FGGY: variants seen among roughly 807,000 people sequenced by gnomAD.
The protein encoded by FGGY is FGGY carbohydrate kinase domain-containing protein.
FGGY carries 72 observed loss-of-function variants against 71.3 expected under a neutral mutation model. That is an observed-to-expected ratio of 1.01 (90% CI 0.84 to 1.23). FGGY has a LOEUF of 1.23. Among genes scored for constraint, FGGY ranks in the 50% most tolerant of loss-of-function variants. The pLI is 0.00. For missense variants in FGGY, 668 were observed against 682.3 expected, an observed-to-expected ratio of 0.98 and a Z score of 0.23; for synonymous variants, 251 against 250.3, an observed-to-expected ratio of 1.00 and a Z score of -0.02.
intron 7 of FGGY, among the ~76,000 whole-genome samples, chr1:59,533,833 A>G (rs1358531581): frequency 1.3e-5 from 2 of 152,180 alleles, no homozygotes; most frequent in African/African-American, 4.8e-5. Flanking sequence ...CCATCTGTAC[A>G]TCACCATCAT....
intron 8 of FGGY, among the ~76,000 whole-genome samples, chr1:59,599,554 C>T (rs993576663): frequency 7.3e-5 from 11 of 151,592 alleles, no homozygotes; most frequent in Middle Eastern, 3.4e-3. Flanking sequence ...ATTAGCTGGG[C>T]GTGGTGGCAT....
At chr1:59,747,743 C>T (rs1345029286) in intron 14 of FGGY, among the ~76,000 whole-genome samples, 1 of 152,220 alleles carries the variant, frequency 6.6e-6, no homozygotes, top group Non-Finnish European at 1.5e-5. Context: ...AATCCACCTT[C>T]CTGCCTTTGT....
At chr1:59,590,316 A>G (rs2096404966) in intron 8 of FGGY, among the ~76,000 whole-genome samples, 1 of 152,220 alleles carries the variant, frequency 6.6e-6, no homozygotes, top group Admixed American at 6.5e-5. Context: ...AACCAAAAAG[A>G]GTCCAGGACC....
chr1:59,635,713 G>C (rs967883781), intron 10 of FGGY, among the ~76,000 whole-genome samples: 1 of 152,236 alleles, frequency 6.6e-6, no homozygotes, highest in Non-Finnish European at 1.5e-5. Flanking sequence ...AGAGCAAAGA[G>C]ATGGAAAACC....
At chr1:59,490,227 A>AT (rs1005759364) in intron 6 of FGGY, among the ~76,000 whole-genome samples, 1 of 151,896 alleles carries the variant, frequency 6.6e-6, no homozygotes, top group South Asian at 2.1e-4. Context: ...ATTAAAAAAA[A>AT]TTTTTTTGGA....
chr1:59,650,110 A>T (rs555916392), intron 11 of FGGY, among the ~76,000 whole-genome samples: 1 of 148,390 alleles, frequency 6.7e-6, no homozygotes, highest in Non-Finnish European at 1.5e-5. Flanking sequence ...CCACTTGATC[A>T]TGGTGGATAA....
chr1:59,561,957 G>A (rs2095798918), intron 8 of FGGY, among the ~76,000 whole-genome samples: 1 of 151,816 alleles, frequency 6.6e-6, no homozygotes, highest in African/African-American at 2.4e-5. Context: ...TTAGGGAAAT[G>A]CAAATTAAAA....
At chr1:59,457,938 A>G (rs545416830) in intron 6 of FGGY, among the ~76,000 whole-genome samples, 111 of 152,272 alleles carry the variant, frequency 7.3e-4, no homozygotes, top group African/African-American at 1.8e-3. Context: ...CTGTGCTTGT[A>G]TGTACCTTGT....
chr1:59,494,198 C>T (rs912333763), intron 6 of FGGY, among the ~76,000 whole-genome samples: 1 of 152,116 alleles, frequency 6.6e-6, no homozygotes, highest in African/African-American at 2.4e-5. Context: ...AGAAACCAGA[C>T]AGTAAGCAAG....
intron 5 of FGGY, among the ~76,000 whole-genome samples, chr1:59,413,358 T>C (rs908962762): frequency 9.9e-5 from 15 of 152,056 alleles, no homozygotes. Flanking sequence ...TATTGATGAG[T>C]TGGATGGATG....
chr1:59,553,336 A>G (rs11580243), intron 7 of FGGY, among the ~76,000 whole-genome samples: 21,126 of 152,128 alleles, frequency 0.14, 1,775 homozygotes, highest in South Asian at 0.28. Context: ...GAAGGGGCTT[A>G]TTGGATATTT....
intron 7 of FGGY, among the ~76,000 whole-genome samples, chr1:59,546,415 G>A (rs1463811213): frequency 6.7e-6 from 1 of 149,682 alleles, no homozygotes; most frequent in East Asian, 1.9e-4. Flanking sequence ...GCTCTGCAGA[G>A]GGTGGGAGGG....
At chr1:59,406,116 T>C (rs1315033777) in intron 5 of FGGY, among the ~76,000 whole-genome samples, 1 of 151,802 alleles carries the variant, frequency 6.6e-6, no homozygotes, top group Admixed American at 6.6e-5. Flanking sequence ...AGACAGTTGA[T>C]TCTTCATTAT....
chr1:59,331,065 A>G (rs2048376257), intron 2 of FGGY, among the ~76,000 whole-genome samples: 1 of 152,130 alleles, frequency 6.6e-6, no homozygotes, highest in South Asian at 2.1e-4. Flanking sequence ...TAGGTGCTTA[A>G]TATTTTTAAT....
chr1:59,701,720 G>A (rs1321793328), intron 14 of FGGY, among the ~76,000 whole-genome samples: 1 of 152,156 alleles, frequency 6.6e-6, no homozygotes, highest in Non-Finnish European at 1.5e-5. Context: ...GTTTCTGTGT[G>A]TTTGGAGAGG....
chr1:59,687,211 C>A (rs2097550385), intron 14 of FGGY, among the ~76,000 whole-genome samples: 1 of 152,162 alleles, frequency 6.6e-6, no homozygotes, highest in South Asian at 2.1e-4. Context: ...GGTCATTTCT[C>A]CCCTTCACTA....
chr1:59,589,985 T>A (rs951330826), intron 8 of FGGY, among the ~76,000 whole-genome samples: 1 of 151,818 alleles, frequency 6.6e-6, no homozygotes, highest in African/African-American at 2.4e-5. Flanking sequence ...TTCAAAAAAT[T>A]AATGAATCTA....
At chr1:59,713,043 T>C (rs1337911744) in intron 14 of FGGY, among the ~76,000 whole-genome samples, 1 of 152,232 alleles carries the variant, frequency 6.6e-6, no homozygotes, top group Non-Finnish European at 1.5e-5. Flanking sequence ...GCTTTGCTGC[T>C]TAGGAATTTC....
chr1:59,563,524 C>A (rs1172082782), intron 8 of FGGY, among the ~76,000 whole-genome samples: 5 of 152,112 alleles, frequency 3.3e-5, no homozygotes, highest in Non-Finnish European at 7.4e-5. Context: ...CAAACCACTG[C>A]TCAAGGAAAT....
Sources: gnomAD v4.1 joint callset for allele counts (sites outside exome capture counted in the v4.1 genomes callset) on GRCh38, gnomAD v4.1.1 for gene constraint, MANE v1.5 for transcripts, NCBI Gene and HGNC (gene_info 2026-07-23, HGNC 2026-07-21) for gene names.